USP54: variants seen among roughly 807,000 people sequenced by gnomAD.
USP54 encodes ubiquitin specific peptidase 54.
In USP54, 87 loss-of-function variants were observed where a neutral mutation model predicts 170.5. The observed-to-expected ratio is 0.51, with a 90% CI of 0.43 to 0.61. USP54 has a LOEUF of 0.61. Among genes scored for constraint, USP54 ranks in the 20% least tolerant of loss-of-function variants. USP54 has a pLI of 0.00. For synonymous variants in USP54, 655 were observed against 742.8 expected, an observed-to-expected ratio of 0.88 and a Z score of 1.92; for missense variants, 1,786 against 2,047.8, an observed-to-expected ratio of 0.87 and a Z score of 2.47.
intron 12 of USP54, among the ~76,000 whole-genome samples, chr10:73,533,573 C>A (rs930493111): frequency 2.0e-5 from 3 of 150,250 alleles, no homozygotes; most frequent in Admixed American, 2.0e-4. Context: ...AAAGCCCCCA[C>A]AGCTTATAAA....
chr10:73,583,594 T>A (rs537020506), intron 1 of USP54, among the ~76,000 whole-genome samples: 295 of 152,052 alleles, frequency 1.9e-3, no homozygotes, highest in Middle Eastern at 0.014. Flanking sequence ...CCAAAAAAAA[T>A]TTTTTTTAAT....
At chr10:73,519,697 T>C (rs1401762689) in intron 19 of USP54, 100 bp downstream of exon 19, 6 of 1,542,700 alleles carry the variant, frequency 3.9e-6, no homozygotes, top group Non-Finnish European at 5.3e-6. Flanking sequence ...GACTCCTCTC[T>C]CCCCTTCAGT....
At chr10:73,597,518 C>T (rs1217816787) in intron 1 of USP54, among the ~76,000 whole-genome samples, 1 of 152,134 alleles carries the variant, frequency 6.6e-6, no homozygotes. Flanking sequence ...TGTAAAAGGA[C>T]AGCTTTGACT....
chr10:73,516,819 T>C lies in USP54; in HGVS notation c.3607A>G (p.Thr1203Ala). The part of the protein sequence containing the change: ...GDRPLSWEES[T>A]EHSSLALNSG... ...TTTAAGGCAAGAGAAGAATGTTCAGTGGACTCTTCCCAGGAAAGTGGTCTA... is the reference window on the plus strand; with the variant it reads ...TTTAAGGCAAGAGAAGAATGTTCAGCGGACTCTTCCCAGGAAAGTGGTCTA... The change falls in exon 20 of 24, where the codon ACT becomes GCT. Residue 1203 changes from threonine (T) to alanine (A), a missense_variant. Transcript: ENST00000687698. 6.2e-7 allele frequency: 1 copy of C among 1,614,234 alleles called. No homozygotes were observed. The highest frequency in any genetic ancestry group is 8.5e-7 in the Non-Finnish European group (1 of 1,180,046).
chr10:73,533,259 T>C (rs559219378), intron 12 of USP54, among the ~76,000 whole-genome samples: 1 of 151,872 alleles, frequency 6.6e-6, no homozygotes, highest in African/African-American at 2.4e-5. Flanking sequence ...TGAGCCAAGA[T>C]CGTGCCACTG....
intron 1 of USP54, among the ~76,000 whole-genome samples, chr10:73,615,457 TTAAA>T (rs199858637): frequency 0.036 from 5,382 of 150,682 alleles, 194 homozygotes; most frequent in South Asian, 0.11. Context: ...TTGTACATTT[TTAAA>T]TAACTACAAG....
intron 15 of USP54, among the ~76,000 whole-genome samples, chr10:73,528,447 G>A (rs898120618): frequency 3.3e-5 from 5 of 151,100 alleles, no homozygotes; most frequent in Admixed American, 6.6e-5. Context: ...TAGTAGAGAC[G>A]GGGTTTCACC....
At position 73,523,887 on chromosome 10, in the gene USP54, TTA is replaced by T. The variant is rs1564687597; in HGVS notation, c.2195-139_2195-138del. 1.9e-4 allele frequency: 17 copies of T among 89,174 alleles called. No individual in the cohort carries two copies. The African/African-American group carries it at 3.5e-3, about 18-fold the overall frequency. The allele number at this position is 89,174 out of a possible 1,614,324, so 5.5% of individuals were successfully genotyped here. ...GAGTTTATTTATTTATTATTTATTATTATTATTATTATTATTATTATTATTAT... is the reference window on the plus strand; with the variant it reads ...GAGTTTATTTATTTATTATTTATTATTTATTATTATTATTATTATTATTAT... On this transcript the variant is annotated intron_variant, in intron 16 of 23. Coordinates refer to ENST00000687698, the MANE Select transcript of USP54 (RefSeq NM_001391956.1).
At chr10:73,585,171 T>C (rs12573242) in intron 1 of USP54, among the ~76,000 whole-genome samples, 4,775 of 152,286 alleles carry the variant, frequency 0.031, 210 homozygotes, top group East Asian at 0.22. Flanking sequence ...CTTAGTCTAC[T>C]GCTAGCACTA....
intron 12 of USP54, among the ~76,000 whole-genome samples, chr10:73,531,247 C>G (rs911048461): frequency 6.6e-6 from 1 of 150,948 alleles, no homozygotes; most frequent in African/African-American, 2.4e-5. Context: ...GCCGAGATCA[C>G]GCCACTGCAC....
At chr10:73,609,122 T>G (rs1042141283) in intron 1 of USP54, among the ~76,000 whole-genome samples, 1 of 152,214 alleles carries the variant, frequency 6.6e-6, no homozygotes, top group Non-Finnish European at 1.5e-5. Flanking sequence ...GTCTCCCTGG[T>G]GTTCCCCTAA....
chr10:73,535,521 C>T (rs940913942), intron 11 of USP54, among the ~76,000 whole-genome samples: 2 of 152,120 alleles, frequency 1.3e-5, no homozygotes, highest in African/African-American at 4.8e-5. Context: ...ATTTCTTCCT[C>T]CTTTTCAGTA....
Sources: allele counts gnomAD v4.1 joint callset (sites outside exome capture counted in the v4.1 genomes callset), GRCh38; gene constraint gnomAD v4.1.1; transcripts MANE v1.5; gene names NCBI Gene and HGNC (gene_info 2026-07-23, HGNC 2026-07-21).